The following GRM3 variants were observed in gnomAD, a reference collection of about 807,000 sequenced individuals.
GRM3 encodes metabotropic glutamate receptor 3.
GRM3 carries 26 observed loss-of-function variants against 70.5 expected under a neutral mutation model. That is an observed-to-expected ratio of 0.37 (90% CI 0.27 to 0.51). The LOEUF is 0.51. GRM3 is among the 20% of genes least tolerant of loss of function. The pLI, the probability that GRM3 is intolerant of heterozygous loss-of-function variation, is 0.93. For missense variants in GRM3, 859 were observed against 1,123.8 expected, an observed-to-expected ratio of 0.76 and a Z score of 3.37; for synonymous variants, 443 against 434.9, an observed-to-expected ratio of 1.02 and a Z score of -0.23.
chr7:86,756,215 A>C (rs886190257), intron 1 of GRM3, among the ~76,000 whole-genome samples: 1 of 152,134 alleles, frequency 6.6e-6, no homozygotes, highest in Admixed American at 6.5e-5. Context: ...AGTAGCTGGG[A>C]TTACAGGCAC....
At chr7:86,702,983 T>C (rs1362567217) in intron 1 of GRM3, among the ~76,000 whole-genome samples, 2 of 151,972 alleles carry the variant, frequency 1.3e-5, no homozygotes, top group African/African-American at 2.4e-5. Flanking sequence ...GTATAAACTT[T>C]CTTCAGTTAA....
At chr7:86,848,554 A>T (rs6957842) in intron 4 of GRM3, among the ~76,000 whole-genome samples, 15,312 of 151,428 alleles carry the variant, frequency 0.1, 1,298 homozygotes, top group African/African-American at 0.23. Flanking sequence ...TGACTGGGAG[A>T]TCTCTATTTT....
In GRM3 at chr7:86,747,324, T is replaced by C. The variant is rs190706575; in HGVS notation, c.-140-17682T>C. On this transcript the variant is annotated intron_variant, in intron 1 of 5. Transcript: ENST00000361669. Reference sequence around the variant, plus strand: ...AAATGATAATAGACTTTCTAATACCTTCAGGGTAAAAGGGATTTCAAAGCC... The same window carrying C: ...AAATGATAATAGACTTTCTAATACCCTCAGGGTAAAAGGGATTTCAAAGCC... Among the ~76,000 whole-genome samples the C allele has an allele frequency of 3.3e-3, 509 of 152,184 alleles. 4 individuals carry two copies. The highest frequency in any genetic ancestry group is 0.011 in the African/African-American group (476 of 41,538).
intron 1 of GRM3, among the ~76,000 whole-genome samples, chr7:86,738,567 A>G (rs1795916202): frequency 6.6e-6 from 1 of 152,174 alleles, no homozygotes; most frequent in African/African-American, 2.4e-5. Context: ...AAATGAGGAA[A>G]CTGACACTTA....
At chr7:86,679,274 A>G (rs906499091) in intron 1 of GRM3, among the ~76,000 whole-genome samples, 2 of 152,116 alleles carry the variant, frequency 1.3e-5, no homozygotes, top group Non-Finnish European at 2.9e-5. Flanking sequence ...AAAGATTTTG[A>G]TAAGTTATGC....
intron 5 of GRM3, among the ~76,000 whole-genome samples, chr7:86,856,595 T>TA (rs142306330): frequency 6.6e-6 from 1 of 151,790 alleles, no homozygotes; most frequent in African/African-American, 2.4e-5. Context: ...AAACCTAAAA[T>TA]AAAAGTTAAA....
chr7:86,684,544 A>G (rs1418213955), intron 1 of GRM3, among the ~76,000 whole-genome samples: 1 of 152,168 alleles, frequency 6.6e-6, no homozygotes, highest in Non-Finnish European at 1.5e-5. Flanking sequence ...TATAACTAGT[A>G]ATCTTCCATA....
intron 3 of GRM3, among the ~76,000 whole-genome samples, chr7:86,823,454 C>T (rs568364170): frequency 1.1e-4 from 16 of 152,152 alleles, no homozygotes; most frequent in African/African-American, 2.7e-4. Context: ...AATGCTGCCA[C>T]TAAATCACTT....
chr7:86,745,262 G>A (rs980593786), intron 1 of GRM3, among the ~76,000 whole-genome samples: 1 of 152,034 alleles, frequency 6.6e-6, no homozygotes, highest in Non-Finnish European at 1.5e-5. Context: ...GCAGTGGGAG[G>A]TATGCTTTAT....
chr7:86,741,493 G>T (rs779095158), intron 1 of GRM3, among the ~76,000 whole-genome samples: 1 of 152,154 alleles, frequency 6.6e-6, no homozygotes, highest in African/African-American at 2.4e-5. Flanking sequence ...AATATTTATA[G>T]TCAACTATAT....
At chr7:86,696,687 T>C (rs548765249) in intron 1 of GRM3, among the ~76,000 whole-genome samples, 4 of 150,234 alleles carry the variant, frequency 2.7e-5, no homozygotes, top group East Asian at 1.9e-4. Flanking sequence ...GGTTCTTCTG[T>C]AGTAATAGTG....
chr7:86,691,034 C>T (rs1336493068), intron 1 of GRM3, among the ~76,000 whole-genome samples: 2 of 152,058 alleles, frequency 1.3e-5, no homozygotes, highest in Non-Finnish European at 2.9e-5. Flanking sequence ...TTTAAAAATT[C>T]TGCTTTTCCT....
intron 1 of GRM3, among the ~76,000 whole-genome samples, chr7:86,681,242 A>T (rs931580758): frequency 5.9e-5 from 9 of 152,158 alleles, no homozygotes; most frequent in Non-Finnish European, 1.2e-4. Flanking sequence ...AAACTGATAC[A>T]GCAACTTCAT....
intron 1 of GRM3, among the ~76,000 whole-genome samples, chr7:86,659,701 C>T (rs1793843597): frequency 1.3e-5 from 2 of 151,976 alleles, no homozygotes; most frequent in South Asian, 4.1e-4. Flanking sequence ...GGTTTTTGAG[C>T]AGAGTGTATC....
At chr7:86,663,532 G>T (rs894794459) in intron 1 of GRM3, among the ~76,000 whole-genome samples, 1 of 152,044 alleles carries the variant, frequency 6.6e-6, no homozygotes, top group Non-Finnish European at 1.5e-5. Context: ...TGCACTAATT[G>T]TGGCAAGCCA....
rs780326930 is a variant in GRM3, at chr7:86,765,372, T to C, written c.227T>C (p.Ile76Thr). 1.9e-5 allele frequency: 31 copies of C among 1,613,946 alleles called. 1 individual carries two copies. The South Asian group carries it at 3.3e-4, about 17-fold the overall frequency. Residue 76 changes from isoleucine (I) to threonine (T), a missense_variant, in exon 2 of 6, where the codon ATT becomes ACT. By Grantham distance (89) the Ile-to-Thr change is moderately conservative (BLOSUM62 -1). Coordinates refer to ENST00000361669, the MANE Select transcript of GRM3 (RefSeq NM_000840.3). ...IQRLEAMLFAIDEINKDDYLL... is the reference protein window; with the variant it reads ...IQRLEAMLFATDEINKDDYLL... ...CGCCTGGAAGCCATGTTGTTTGCTA[T>C]TGATGAAATCAACAAAGATGATTAC...
At chr7:86,841,218 G>T (rs1798553336) in intron 4 of GRM3, among the ~76,000 whole-genome samples, 2 of 152,116 alleles carry the variant, frequency 1.3e-5, no homozygotes, top group African/African-American at 4.8e-5. Flanking sequence ...TCAAGATGTT[G>T]GCAAAGTATA....
rs182695821 is a variant in GRM3 at position 86,710,670 on chromosome 7, G to A, written c.-140-54336G>A. 4.4e-3 allele frequency among the ~76,000 whole-genome samples: 669 copies of A among 151,484 alleles called. 2 individuals are homozygous for A. Among genetic ancestry groups the A allele is most frequent in the African/African-American group, 0.015 (635 of 41,114 alleles). On this transcript the variant is annotated intron_variant, in intron 1 of 5. Coordinates refer to ENST00000361669, the MANE Select transcript of GRM3 (RefSeq NM_000840.3). ...TTTAAAAACATCCTAAATTTACAGT[G>A]GAATGAAGAAAATAAAGTTTCTTTC...
At chr7:86,836,492 C>T in intron 3 of GRM3, among the ~76,000 whole-genome samples, 1 of 152,038 alleles carries the variant, frequency 6.6e-6, no homozygotes, top group Middle Eastern at 3.4e-3. Flanking sequence ...TAAAAATATA[C>T]ATTACAAAAC....
Sources: gnomAD v4.1 joint callset for allele counts (sites outside exome capture counted in the v4.1 genomes callset) on GRCh38, gnomAD v4.1.1 for gene constraint, MANE v1.5 for transcripts, NCBI Gene and HGNC (gene_info 2026-07-23, HGNC 2026-07-21) for gene names.